Variants in RBFOX1 observed in about 807,000 individuals in gnomAD.
The protein encoded by RBFOX1 is RNA binding protein fox-1 homolog 1.
RBFOX1 carries 8 observed loss-of-function variants against 57.7 expected under a neutral mutation model. The ratio of observed to expected loss-of-function variants is 0.14; its 90% confidence interval spans 0.08 to 0.25. The LOEUF is 0.25. Among genes scored for constraint, RBFOX1 ranks in the 10% least tolerant of loss-of-function variants. The probability of loss-of-function intolerance (pLI) is 1.00; values close to 1 mark genes in which losing one functional copy is unlikely to be tolerated. For synonymous variants in RBFOX1, 326 were observed against 222.4 expected (o/e 1.47, Z -4.15); for missense variants, 611 against 548.5 (o/e 1.11, Z -1.14).
chr16:6,839,238 G>GC (rs1444362356), intron 3 of RBFOX1, among the ~76,000 whole-genome samples: 1 of 152,096 alleles, frequency 6.6e-6, no homozygotes, highest in African/African-American at 2.4e-5. Flanking sequence ...ACCCGCCTCA[G>GC]CCCCCCAAAG....
chr16:7,096,824 T>A (rs928064939), intron 4 of RBFOX1, among the ~76,000 whole-genome samples: 6 of 147,026 alleles, frequency 4.1e-5, no homozygotes, highest in Non-Finnish European at 8.9e-5. Context: ...CCCAGCTACG[T>A]AGGGGGCTGA....
chr16:6,758,648 C>G (rs1296827549), intron 3 of RBFOX1, among the ~76,000 whole-genome samples: 1 of 152,156 alleles, frequency 6.6e-6, no homozygotes, highest in Non-Finnish European at 1.5e-5. Flanking sequence ...TTTTAAAGCA[C>G]AGACTGTGTT....
intron 5 of RBFOX1, among the ~76,000 whole-genome samples, chr16:7,521,029 A>G (rs1412433677): frequency 6.6e-6 from 1 of 152,208 alleles, no homozygotes; most frequent in Non-Finnish European, 1.5e-5. Flanking sequence ...AGCATGTGTG[A>G]TAGATGTCTT....
chr16:7,599,637 A>AATTTT (rs1568025531), intron 9 of RBFOX1, among the ~76,000 whole-genome samples: 1 of 44,646 alleles, frequency 2.2e-5, no homozygotes. Flanking sequence ...ATTAATAAAG[A>AATTTT]CTTTTTTTTT....
At chr16:7,347,680 C>G (rs1216484966) in intron 4 of RBFOX1, among the ~76,000 whole-genome samples, 1 of 152,176 alleles carries the variant, frequency 6.6e-6, no homozygotes, top group African/African-American at 2.4e-5. Flanking sequence ...TCAGTCTCTG[C>G]AAGTCTTCAT....
intron 3 of RBFOX1, among the ~76,000 whole-genome samples, chr16:7,045,071 G>C (rs2047442275): frequency 6.6e-6 from 1 of 152,120 alleles, no homozygotes; most frequent in African/African-American, 2.4e-5. Flanking sequence ...GAAGATGTGA[G>C]GAAAGCATGG....
intron 3 of RBFOX1, among the ~76,000 whole-genome samples, chr16:6,942,060 C>T (rs940929282): frequency 6.6e-5 from 10 of 152,130 alleles, no homozygotes; most frequent in Admixed American, 4.6e-4. Flanking sequence ...GAAACCCCAT[C>T]TTTACTAAAA....
chr16:5,320,268 A>G (rs923064713), intron 1 of RBFOX1, among the ~76,000 whole-genome samples: 17 of 152,214 alleles, frequency 1.1e-4, no homozygotes, highest in Non-Finnish European at 2.2e-4. Flanking sequence ...ATCTTGAAGG[A>G]AAAGTAAAAT....
At chr16:6,917,602 G>A (rs984932056) in intron 3 of RBFOX1, among the ~76,000 whole-genome samples, 4 of 151,542 alleles carry the variant, frequency 2.6e-5, no homozygotes, top group Non-Finnish European at 5.9e-5. Context: ...CTCTGACACC[G>A]GCTCCCTTCC....
intron 3 of RBFOX1, among the ~76,000 whole-genome samples, chr16:6,828,522 TAA>T (rs781606124): frequency 2.1e-5 from 3 of 143,246 alleles, no homozygotes; most frequent in African/African-American, 2.6e-5. Context: ...GACGTGTCTT[TAA>T]AAAAAAAAAA....
Position 7,112,699 on chromosome 16 carries a change from T to TGTGTGTGTGTGG in RBFOX1, c.27+60601_27+60602insGTGTGTGTGTGG, listed in dbSNP as rs1567305164. Among the ~76,000 whole-genome samples, 317 of 147,006 alleles carry TGTGTGTGTGTGG rather than the reference T, an allele frequency of 2.2e-3. 4 individuals carry two copies. The highest frequency in any genetic ancestry group is 7.6e-3 in the African/African-American group (300 of 39,352). ...GTGTGGGTGTGGGTGTGTCTCTCTG[T>TGTGTGTGTGTGG]CTGTCTGTCCGCAAATGGGTCAAAG... On this transcript the variant is annotated intron_variant, in intron 4 of 15. Transcript: ENST00000550418.
chr16:6,842,726 C>T (rs928433938), intron 3 of RBFOX1, among the ~76,000 whole-genome samples: 2 of 149,768 alleles, frequency 1.3e-5, no homozygotes, highest in South Asian at 4.2e-4. Flanking sequence ...CATAGGTATA[C>T]ATGTGCCATG....
At chr16:7,340,125 G>C (rs776099363) in intron 4 of RBFOX1, among the ~76,000 whole-genome samples, 1 of 152,212 alleles carries the variant, frequency 6.6e-6, no homozygotes, top group African/African-American at 2.4e-5. Flanking sequence ...AGAGGGCAGG[G>C]TCAGCCCCAA....
chr16:5,893,829 C>T (rs2058098735), intron 4 of RBFOX1, among the ~76,000 whole-genome samples: 1 of 151,642 alleles, frequency 6.6e-6, no homozygotes, highest in African/African-American at 2.4e-5. Context: ...TCTCATGTAA[C>T]CCATAAATAT....
At chr16:7,644,419 G>C (rs1568252202) in intron 11 of RBFOX1, among the ~76,000 whole-genome samples, 1 of 152,152 alleles carries the variant, frequency 6.6e-6, no homozygotes, top group Non-Finnish European at 1.5e-5. Context: ...ATCGTTCCTT[G>C]AATTACTCCA....
At chr16:5,962,808 T>G in intron 4 of RBFOX1, among the ~76,000 whole-genome samples, 1 of 142,236 alleles carries the variant, frequency 7.0e-6, no homozygotes, top group Non-Finnish European at 1.5e-5. Flanking sequence ...GTATGAGAAG[T>G]GAGGGTTTGG....
intron 12 of RBFOX1, among the ~76,000 whole-genome samples, chr16:7,655,301 A>G (rs1440814172): frequency 6.6e-6 from 1 of 152,244 alleles, no homozygotes; most frequent in African/African-American, 2.4e-5. Context: ...GACAAAGTCC[A>G]TCAAATTTCT....
At chr16:7,478,924 G>C (rs2063297404) in intron 4 of RBFOX1, among the ~76,000 whole-genome samples, 1 of 152,032 alleles carries the variant, frequency 6.6e-6, no homozygotes, top group Non-Finnish European at 1.5e-5. Flanking sequence ...AAAGGGGAGA[G>C]TACCATCATT....
chr16:6,667,273 T>A (rs1298598743), intron 3 of RBFOX1, among the ~76,000 whole-genome samples: 1 of 151,440 alleles, frequency 6.6e-6, no homozygotes, highest in Non-Finnish European at 1.5e-5. Context: ...ACCCAGAGAG[T>A]GTAATGAAAA....
Sources: gnomAD v4.1 joint callset for allele counts (sites outside exome capture counted in the v4.1 genomes callset) on GRCh38, gnomAD v4.1.1 for gene constraint, MANE v1.5 for transcripts, NCBI Gene and HGNC (gene_info 2026-07-23, HGNC 2026-07-21) for gene names.